SPIDR: variants seen among roughly 807,000 people sequenced by gnomAD.
SPIDR encodes scaffold protein involved in DNA repair.
Under a neutral mutation model 104.6 loss-of-function variants are expected in SPIDR, and 93 were observed. That is an observed-to-expected ratio of 0.89 (90% CI 0.75 to 1.06). The LOEUF (loss-of-function observed/expected upper bound fraction) is 1.06, where lower values mean the gene tolerates loss of function less well. Ranked by LOEUF, SPIDR falls within the 50% of genes least tolerant of loss-of-function variation. The pLI is 0.00. For missense variants in SPIDR, 1,154 were observed against 1,111.2 expected, an observed-to-expected ratio of 1.04 and a Z score of -0.55; for synonymous variants, 431 against 416.9, an observed-to-expected ratio of 1.03 and a Z score of -0.41.
intron 10 of SPIDR, among the ~76,000 whole-genome samples, chr8:47,633,522 G>GT (rs1307913979): frequency 1.4e-5 from 2 of 138,534 alleles, no homozygotes; most frequent in Admixed American, 7.7e-5. Flanking sequence ...AAAGATTTAG[G>GT]TTTTTTCTTT....
chr8:47,581,139 C>T lies in SPIDR; in HGVS notation c.1098-14672C>T, dbSNP rs553171326. On this transcript the variant is annotated intron_variant, in intron 8 of 19. Transcript: ENST00000297423. The stretch of plus-strand genomic sequence containing the variant: ...ATGATTAAGTCCATCTTCTGTCTCC[C>T]GTGTAGAAGGCCATATTCTTTCTAT... Among the ~76,000 whole-genome samples, 10 of 152,260 alleles carry T rather than the reference C, an allele frequency of 6.6e-5. No homozygotes were observed. In the East Asian group the frequency reaches 1.5e-3, roughly 24 times the overall value.
At chr8:47,517,050 T>A (rs999720417) in intron 8 of SPIDR, among the ~76,000 whole-genome samples, 41 of 152,188 alleles carry the variant, frequency 2.7e-4, no homozygotes, top group Non-Finnish European at 1.5e-5. Flanking sequence ...AGTGGCACGA[T>A]CTCGGCTCAC....
chr8:47,356,245 T>G (rs1356969247), intron 5 of SPIDR, among the ~76,000 whole-genome samples: 1 of 152,222 alleles, frequency 6.6e-6, no homozygotes, highest in Non-Finnish European at 1.5e-5. Flanking sequence ...TACTTTTTGG[T>G]TTATACTTAT....
intron 7 of SPIDR, among the ~76,000 whole-genome samples, chr8:47,433,672 A>G (rs1460099039): frequency 6.6e-6 from 1 of 152,252 alleles, no homozygotes; most frequent in East Asian, 1.9e-4. Flanking sequence ...AGTCTGAGAT[A>G]TTCTCATTTA....
intron 8 of SPIDR, among the ~76,000 whole-genome samples, chr8:47,574,528 C>T (rs977532898): frequency 2.6e-5 from 4 of 151,920 alleles, no homozygotes; most frequent in African/African-American, 4.8e-5. Context: ...GAGGCTGAGG[C>T]GGGTGGATCA....
chr8:47,365,341 A>C (rs568643041), intron 5 of SPIDR, among the ~76,000 whole-genome samples: 3 of 152,202 alleles, frequency 2.0e-5, no homozygotes, highest in Non-Finnish European at 4.4e-5. Context: ...CAGAGACTTA[A>C]ATAAATGTTT....
chr8:47,719,508 CA>C (rs1391799802), intron 16 of SPIDR, among the ~76,000 whole-genome samples: 71 of 141,426 alleles, frequency 5.0e-4, no homozygotes, highest in Non-Finnish European at 4.8e-4. Flanking sequence ...GACTCCGTAT[CA>C]AAAAAAAAAA....
chr8:47,550,052 A>G (rs1401257384), intron 8 of SPIDR, among the ~76,000 whole-genome samples: 1 of 151,832 alleles, frequency 6.6e-6, no homozygotes, highest in Non-Finnish European at 1.5e-5. Flanking sequence ...TTTTTGTCAG[A>G]TTTGTCAAAG....
intron 10 of SPIDR, among the ~76,000 whole-genome samples, chr8:47,671,744 G>A (rs2075831371): frequency 6.6e-6 from 1 of 152,078 alleles, no homozygotes; most frequent in African/African-American, 2.4e-5. Flanking sequence ...GTCATTCATT[G>A]CTCTTTAGAA....
intron 9 of SPIDR, among the ~76,000 whole-genome samples, chr8:47,596,759 A>T: frequency 6.6e-6 from 1 of 152,300 alleles, no homozygotes; most frequent in Non-Finnish European, 1.5e-5. Context: ...TTATAGCAAC[A>T]CTTAGCTTAC....
At chr8:47,660,314 A>G (rs991049180) in intron 10 of SPIDR, 1 of 360,618 alleles carries the variant, frequency 2.8e-6, no homozygotes, top group African/African-American at 2.2e-5. Context: ...TATTCACTTC[A>G]TAATGGACTT....
intron 8 of SPIDR, among the ~76,000 whole-genome samples, chr8:47,576,371 G>A (rs771502591): frequency 5.9e-5 from 9 of 152,110 alleles, no homozygotes; most frequent in Non-Finnish European, 1.2e-4. Flanking sequence ...GGCATGTCTC[G>A]AACTCCTGAC....
chr8:47,506,522 A>T (rs183835539), intron 8 of SPIDR, among the ~76,000 whole-genome samples: 6 of 152,310 alleles, frequency 3.9e-5, no homozygotes, highest in Non-Finnish European at 7.4e-5. Flanking sequence ...TGCAAGGCTA[A>T]TATCACCAAT....
At chr8:47,659,428 C>T (rs2073635160) in intron 10 of SPIDR, among the ~76,000 whole-genome samples, 1 of 152,210 alleles carries the variant, frequency 6.6e-6, no homozygotes, top group Admixed American at 6.5e-5. Context: ...CATTTCTGTG[C>T]AGTAGAAGTC....
chr8:47,310,951 A>T (rs1439271643), intron 5 of SPIDR, among the ~76,000 whole-genome samples: 1 of 152,212 alleles, frequency 6.6e-6, no homozygotes, highest in Non-Finnish European at 1.5e-5. Context: ...ACACACATAC[A>T]CAAACAGAAA....
chr8:47,338,376 T>C (rs868992145), intron 5 of SPIDR, among the ~76,000 whole-genome samples: 1 of 152,220 alleles, frequency 6.6e-6, no homozygotes, highest in South Asian at 2.1e-4. Context: ...GAGAGAGTCA[T>C]TGGAAGTTTG....
rs148365218 is a variant in SPIDR, at chr8:47,729,826, C to G, written c.2604+361C>G. ...CTCCGCCTCCCAGGTTCAAGCGATT[C>G]TCCTGCCTCACCCTCCCGAGTAGCT... On this transcript the variant is annotated intron_variant, in intron 19 of 19. Coordinates refer to ENST00000297423, the MANE Select transcript of SPIDR (RefSeq NM_001080394.4). 1,429 of 193,842 alleles carry G rather than the reference C, an allele frequency of 7.4e-3. 40 individuals are homozygous for G. In the South Asian group the frequency reaches 0.082, roughly 11 times the overall value. 12.0% of individuals were successfully genotyped at this position (193,842 alleles called of 1,614,324 possible).
intron 16 of SPIDR, 36 bp from the exon 17 acceptor site, chr8:47,727,164 C>T (rs902294925): frequency 6.3e-6 from 10 of 1,599,364 alleles, no homozygotes; most frequent in South Asian, 2.2e-5. Context: ...AGGGCAGAGC[C>T]GCCTCTGAGG....
intron 8 of SPIDR, among the ~76,000 whole-genome samples, chr8:47,571,512 A>G (rs2058520892): frequency 1.3e-5 from 2 of 152,342 alleles, no homozygotes; most frequent in South Asian, 4.1e-4. Flanking sequence ...CCCTCCCAGA[A>G]TTGTTACAAG....
Sources: gnomAD v4.1 joint callset for allele counts (sites outside exome capture counted in the v4.1 genomes callset) on GRCh38, gnomAD v4.1.1 for gene constraint, MANE v1.5 for transcripts, NCBI Gene and HGNC (gene_info 2026-07-23, HGNC 2026-07-21) for gene names.